Variants in EPHA5 observed in about 807,000 individuals in gnomAD.
EPHA5 encodes the protein EPH receptor A5, also known as ephrin type-A receptor 5.
Under a neutral mutation model 105.0 loss-of-function variants are expected in EPHA5, and 60 were observed. The observed-to-expected ratio is 0.57, with a 90% CI of 0.46 to 0.71. The LOEUF is 0.71. Among genes scored for constraint, EPHA5 ranks in the 30% least tolerant of loss-of-function variants. EPHA5 has a pLI of 0.00. For synonymous variants in EPHA5, 513 were observed against 449.1 expected, an observed-to-expected ratio of 1.14 and a Z score of -1.80; for missense variants, 1,218 against 1,274.7, an observed-to-expected ratio of 0.96 and a Z score of 0.68.
chr4:65,350,628 G>A (rs1394509982), intron 13 of EPHA5, among the ~76,000 whole-genome samples: 5 of 152,048 alleles, frequency 3.3e-5, no homozygotes, highest in Admixed American at 6.6e-5. Context: ...AACTCAAAAA[G>A]TATGACATTA....
intron 3 of EPHA5, among the ~76,000 whole-genome samples, chr4:65,515,434 GACA>G (rs956932305): frequency 1.3e-5 from 2 of 152,070 alleles, no homozygotes; most frequent in Non-Finnish European, 2.9e-5. Context: ...TAAATTTCAG[GACA>G]ACAAGTATCT....
At chr4:65,356,100 G>A (rs180988039) in intron 11 of EPHA5, among the ~76,000 whole-genome samples, 4 of 151,524 alleles carry the variant, frequency 2.6e-5, no homozygotes, top group African/African-American at 9.7e-5. Flanking sequence ...CATATCACAT[G>A]AACAGACGCT....
chr4:65,385,056 T>C (rs1408315264), intron 8 of EPHA5, among the ~76,000 whole-genome samples: 3 of 151,704 alleles, frequency 2.0e-5, no homozygotes, highest in Non-Finnish European at 4.4e-5. Flanking sequence ...TTAAATTATT[T>C]TGAGAAAAGG....
chr4:65,651,482 A>G (rs114534188), intron 1 of EPHA5, among the ~76,000 whole-genome samples: 1 of 152,184 alleles, frequency 6.6e-6, no homozygotes, highest in Non-Finnish European at 1.5e-5. Flanking sequence ...ACTTCCAAAA[A>G]TTGTATTCAC....
rs2149572777 is a variant in EPHA5 at position 65,669,781 on chromosome 4, C to T, written c.-39G>A. The T allele has an allele frequency of 8.1e-7, 1 of 1,242,002 alleles. No individual in the cohort carries two copies. Among genetic ancestry groups the T allele is most frequent in the Non-Finnish European group, 1.0e-6 (1 of 992,896 alleles). 76.9% of individuals were successfully genotyped at this position (1,242,002 alleles called of 1,614,324 possible). ...CCTCCGGTGCCGCTGTCCCGAGCGG[C>T]TCAGTCCACCGCTTCGGCCTCGCAG... On this transcript the variant is annotated 5_prime_UTR_variant, in exon 1 of 17. Coordinates refer to ENST00000613740, the MANE Select transcript of EPHA5 (RefSeq NM_001281766.3).
At chr4:65,624,628 T>C (rs1405848680) in intron 2 of EPHA5, among the ~76,000 whole-genome samples, 1 of 152,198 alleles carries the variant, frequency 6.6e-6, no homozygotes, top group Non-Finnish European at 1.5e-5. Context: ...TAAATAAAAA[T>C]TGCTTTACTT....
rs568157878 is a variant in EPHA5, at chr4:65,602,080, C to G, written c.471G>C (p.Glu157Asp). Residue 157 changes from glutamate to aspartate, a missense_variant, in exon 3 of 17, where the codon GAG (glutamate) becomes GAC (aspartate). Transcript: ENST00000613740. ...CKETFNMYYF[E>D]SDDQNGRNIK... is the part of the protein sequence containing the mutation. ...TGTTTCTCCCATTCTGATCATCTGACTCAAAGTAATACATATTAAAGGTTT... is the reference window on the plus strand; with the variant it reads ...TGTTTCTCCCATTCTGATCATCTGAGTCAAAGTAATACATATTAAAGGTTT... The G allele has an allele frequency of 5.6e-6, 9 of 1,614,108 alleles. No homozygotes were observed. The highest frequency in any genetic ancestry group is 1.3e-5 in the African/African-American group (1 of 75,034).
chr4:65,609,144 G>T (rs1578567989), intron 2 of EPHA5, among the ~76,000 whole-genome samples: 1 of 152,142 alleles, frequency 6.6e-6, no homozygotes, highest in Admixed American at 6.5e-5. Context: ...GGTTTTAAAA[G>T]AATAAAACAT....
chr4:65,368,363 C>T (rs1368275258), intron 8 of EPHA5, among the ~76,000 whole-genome samples: 1 of 152,040 alleles, frequency 6.6e-6, no homozygotes, highest in Admixed American at 6.6e-5. Context: ...CTCAATGGAC[C>T]TGAAAATGAA....
At chr4:65,333,435 T>C (rs1426825772) in intron 15 of EPHA5, among the ~76,000 whole-genome samples, 1 of 151,482 alleles carries the variant, frequency 6.6e-6, no homozygotes, top group Non-Finnish European at 1.5e-5. Context: ...CTTGGAAACA[T>C]TCAGCCAACA....
rs1182910368 is a variant in EPHA5 at position 65,490,357 on chromosome 4, G to T, written c.1402+20C>A. 2 of 1,602,968 alleles carry T rather than the reference G, an allele frequency of 1.2e-6. No homozygotes were observed. The highest frequency in any genetic ancestry group is 1.7e-6 in the Non-Finnish European group (2 of 1,171,260). Reference sequence around the variant, plus strand: ...AGAACTAGGCCTCACATACACAATTGGGTTGGGCATGGCACTTACCTGCTT... The same window carrying T: ...AGAACTAGGCCTCACATACACAATTTGGTTGGGCATGGCACTTACCTGCTT... On this transcript the variant is annotated intron_variant, in intron 5 of 16. Coordinates refer to ENST00000613740, the MANE Select transcript of EPHA5 (RefSeq NM_001281766.3).
At chr4:65,630,330 C>T (rs1188125641) in intron 2 of EPHA5, among the ~76,000 whole-genome samples, 1 of 151,998 alleles carries the variant, frequency 6.6e-6, no homozygotes, top group Non-Finnish European at 1.5e-5. Flanking sequence ...GGTATATGAC[C>T]TTGGAGGGAC....
At chr4:65,516,702 A>G (rs1327485832) in intron 3 of EPHA5, among the ~76,000 whole-genome samples, 1 of 152,124 alleles carries the variant, frequency 6.6e-6, no homozygotes, top group African/African-American at 2.4e-5. Flanking sequence ...ATAAGACGCA[A>G]TCTTCAAAAG....
chr4:65,558,510 A>C (rs990762240), intron 3 of EPHA5, among the ~76,000 whole-genome samples: 3 of 152,136 alleles, frequency 2.0e-5, no homozygotes, highest in African/African-American at 2.4e-5. Context: ...ATCTTTATTC[A>C]CTAAGCACAG....
chr4:65,564,306 A>C (rs1025683295), intron 3 of EPHA5, among the ~76,000 whole-genome samples: 2 of 151,876 alleles, frequency 1.3e-5, no homozygotes, highest in East Asian at 1.9e-4. Flanking sequence ...AACCATATCA[A>C]CAAATATTTC....
intron 11 of EPHA5, among the ~76,000 whole-genome samples, 153 bp downstream of exon 11, chr4:65,364,864 G>T (rs1717706919): frequency 6.6e-6 from 1 of 151,544 alleles, no homozygotes; most frequent in Admixed American, 6.6e-5. Context: ...TTGAAGATTA[G>T]CTTTAACAAA....
chr4:65,658,942 C>T (rs184283269), intron 1 of EPHA5, among the ~76,000 whole-genome samples: 54 of 152,010 alleles, frequency 3.6e-4, no homozygotes, highest in Admixed American at 9.2e-4. Flanking sequence ...TGTGGAATAC[C>T]ATTTTTCATA....
At chr4:65,615,566 T>C (rs1745157390) in intron 2 of EPHA5, among the ~76,000 whole-genome samples, 1 of 151,800 alleles carries the variant, frequency 6.6e-6, no homozygotes, top group Non-Finnish European at 1.5e-5. Flanking sequence ...AAATGAAAGA[T>C]CACTCAAAAC....
chr4:65,353,201 A>G (rs1054248690), intron 11 of EPHA5, 98 bp from the exon 12 acceptor site: 32 of 190,078 alleles, frequency 1.7e-4, no homozygotes, highest in Non-Finnish European at 3.1e-4. Context: ...TCAAAATTGT[A>G]TATATATATA....
Sources: allele counts gnomAD v4.1 joint callset (sites outside exome capture counted in the v4.1 genomes callset), GRCh38; gene constraint gnomAD v4.1.1; transcripts MANE v1.5; gene names NCBI Gene and HGNC (gene_info 2026-07-23, HGNC 2026-07-21).